Variants in ABTB2 observed in about 807,000 individuals in gnomAD.
ABTB2 encodes the protein ankyrin repeat and BTB domain containing 2.
ABTB2 carries 56 observed loss-of-function variants against 104.1 expected under a neutral mutation model. That is an observed-to-expected ratio of 0.54 (90% CI 0.43 to 0.67). The LOEUF is 0.67. ABTB2 is among the 30% of genes least tolerant of loss of function. The probability of loss-of-function intolerance (pLI) is 0.00; values close to 1 mark genes in which losing one functional copy is unlikely to be tolerated. For synonymous variants in ABTB2, 606 were observed against 608.2 expected, an observed-to-expected ratio of 1.00 and a Z score of 0.05; for missense variants, 1,279 against 1,407.7, an observed-to-expected ratio of 0.91 and a Z score of 1.46.
At chr11:34,287,104 C>T (rs1039549573) in intron 1 of ABTB2, among the ~76,000 whole-genome samples, 4 of 146,292 alleles carry the variant, frequency 2.7e-5, no homozygotes, top group South Asian at 2.3e-4. Flanking sequence ...CCCAGCACTT[C>T]GGGAGGCTGA....
chr11:34,314,982 A>G (rs1380988710), intron 1 of ABTB2, among the ~76,000 whole-genome samples: 1 of 152,158 alleles, frequency 6.6e-6, no homozygotes, highest in Middle Eastern at 3.2e-3. Flanking sequence ...CTCCAACCCA[A>G]CACTCCAAAT....
At chr11:34,231,480 C>T (rs767694015) in intron 1 of ABTB2, among the ~76,000 whole-genome samples, 3 of 152,112 alleles carry the variant, frequency 2.0e-5, no homozygotes, top group Non-Finnish European at 4.4e-5. Context: ...GGGAATAATA[C>T]TTGACAGTAG....
At chr11:34,265,610 A>G (rs2133077112) in intron 1 of ABTB2, among the ~76,000 whole-genome samples, 1 of 143,834 alleles carries the variant, frequency 7.0e-6, no homozygotes, top group South Asian at 2.3e-4. Context: ...GTGAGCCGAG[A>G]TCATGCCATT....
At chr11:34,192,024 C>T (rs1279400501) in intron 3 of ABTB2, among the ~76,000 whole-genome samples, 5 of 152,222 alleles carry the variant, frequency 3.3e-5, no homozygotes, top group African/African-American at 1.2e-4. Context: ...GGTGCAGTGG[C>T]TCATGGCTAT....
At chr11:34,258,244 A>T (rs1235463622) in intron 1 of ABTB2, among the ~76,000 whole-genome samples, 1 of 152,228 alleles carries the variant, frequency 6.6e-6, no homozygotes, top group Non-Finnish European at 1.5e-5. Flanking sequence ...ATTACTGTGT[A>T]TCCCTCACAG....
chr11:34,232,140 T>C (rs914427305), intron 1 of ABTB2, among the ~76,000 whole-genome samples: 4 of 152,188 alleles, frequency 2.6e-5, no homozygotes, highest in Non-Finnish European at 4.4e-5. Flanking sequence ...CTCTTGCGAC[T>C]TTCATGTAAA....
At chr11:34,167,448 G>T in intron 6 of ABTB2, 88 bp from the exon 7 acceptor site, 1 of 1,040,272 alleles carries the variant, frequency 9.6e-7, no homozygotes, top group Non-Finnish European at 1.4e-6. Context: ...GTTAACAAGT[G>T]CTTTCTACAT....
At chr11:34,183,379 C>A (rs554207195) in intron 3 of ABTB2, among the ~76,000 whole-genome samples, 2 of 152,204 alleles carry the variant, frequency 1.3e-5, no homozygotes, top group Non-Finnish European at 2.9e-5. Flanking sequence ...GGATGGCAGG[C>A]GTGAGCCACC....
chr11:34,299,135 T>C (rs1334912270), intron 1 of ABTB2, among the ~76,000 whole-genome samples: 3 of 152,196 alleles, frequency 2.0e-5, no homozygotes, highest in Non-Finnish European at 4.4e-5. Flanking sequence ...TTTTCTGGAA[T>C]GGCTGGTGAT....
At chr11:34,317,714 A>G (rs1156720143) in intron 1 of ABTB2, among the ~76,000 whole-genome samples, 1 of 144,570 alleles carries the variant, frequency 6.9e-6, no homozygotes, top group African/African-American at 2.6e-5. Context: ...GTGCACCAAG[A>G]TGTTGTCACC....
chr11:34,262,368 T>C (rs1854197841), intron 1 of ABTB2, among the ~76,000 whole-genome samples: 1 of 152,174 alleles, frequency 6.6e-6, no homozygotes, highest in Non-Finnish European at 1.5e-5. Context: ...AAGGCTCAGA[T>C]GTAAAGGAAC....
In ABTB2 at chr11:34,252,253, G is replaced by T. The variant is rs921931519; in HGVS notation, c.884-47563C>A. ...AAGCCGTGGCAGGAGTGACAGCGAGGAGGCCAGATGCACGAGCCTCTTCCT... is the reference window on the plus strand; with the variant it reads ...AAGCCGTGGCAGGAGTGACAGCGAGTAGGCCAGATGCACGAGCCTCTTCCT... On this transcript the variant is annotated intron_variant, in intron 1 of 16. Coordinates refer to ENST00000435224, the MANE Select transcript of ABTB2 (RefSeq NM_145804.3). This position sits in a 1 kb window ranked among gnomAD's most constrained non-coding sequence, Gnocchi z 5.5. 2.3e-4 allele frequency among the ~76,000 whole-genome samples: 35 copies of T among 152,182 alleles called. No individual in the cohort carries two copies. The highest frequency in any genetic ancestry group is 1.6e-4 in the Non-Finnish European group (11 of 68,022).
chr11:34,291,776 G>A (rs780817671), intron 1 of ABTB2, among the ~76,000 whole-genome samples: 11 of 152,168 alleles, frequency 7.2e-5, no homozygotes, highest in African/African-American at 1.7e-4. Flanking sequence ...GATTACAGGC[G>A]TGAGCCACCA....
At chr11:34,320,563 A>C (rs1192684445) in intron 1 of ABTB2, among the ~76,000 whole-genome samples, 6 of 152,206 alleles carry the variant, frequency 3.9e-5, no homozygotes, top group Non-Finnish European at 8.8e-5. Flanking sequence ...TTCTTCTCCA[A>C]AGCAAAGTAG....
chr11:34,222,547 T>C (rs1187669682), intron 1 of ABTB2, among the ~76,000 whole-genome samples: 4 of 152,174 alleles, frequency 2.6e-5, no homozygotes, highest in Non-Finnish European at 5.9e-5. Context: ...AGAGGTTACC[T>C]TAACAGGCCT....
intron 1 of ABTB2, among the ~76,000 whole-genome samples, chr11:34,298,180 C>T (rs184497242): frequency 9.3e-4 from 142 of 151,912 alleles, no homozygotes; most frequent in Non-Finnish European, 1.9e-3. Context: ...AACTGACTTG[C>T]CCAAGATCTC....
At chr11:34,347,421 G>C in intron 1 of ABTB2, among the ~76,000 whole-genome samples, 1 of 150,776 alleles carries the variant, frequency 6.6e-6, no homozygotes, top group East Asian at 2.0e-4. Flanking sequence ...GGGTGACAGA[G>C]TGAGACTTTG....
chr11:34,332,026 T>C (rs1240705076), intron 1 of ABTB2, among the ~76,000 whole-genome samples: 1 of 152,236 alleles, frequency 6.6e-6, no homozygotes, highest in African/African-American at 2.4e-5. Context: ...TCTGGGACTA[T>C]GACAACTCCA....
At chr11:34,302,218 A>G (rs80286695) in intron 1 of ABTB2, among the ~76,000 whole-genome samples, 2,907 of 152,290 alleles carry the variant, frequency 0.019, 30 homozygotes, top group Non-Finnish European at 0.025. Flanking sequence ...TGGATATTTC[A>G]TGAGTATTTT....
Sources: gnomAD v4.1 joint callset for allele counts (sites outside exome capture counted in the v4.1 genomes callset) on GRCh38, gnomAD v4.1.1 for gene constraint, Gnocchi (gnomAD v3.1) non-coding constraint, MANE v1.5 for transcripts, NCBI Gene and HGNC (gene_info 2026-07-23, HGNC 2026-07-21) for gene names.